DIP2C: variants seen among roughly 807,000 people sequenced by gnomAD.
DIP2C encodes the protein DIP2 acetate--CoA ligase C (putative), also known as disco-interacting protein 2 homolog C.
DIP2C carries 33 observed loss-of-function variants against 192.4 expected under a neutral mutation model. That is an observed-to-expected ratio of 0.17 (90% CI 0.13 to 0.23). The LOEUF is 0.23. Among genes scored for constraint, DIP2C ranks in the 10% least tolerant of loss-of-function variants. The probability of loss-of-function intolerance (pLI) is 1.00; values close to 1 mark genes in which losing one functional copy is unlikely to be tolerated. For synonymous variants in DIP2C, 979 were observed against 864.1 expected (o/e 1.13, Z -2.33); for missense variants, 1,537 against 2,110.1 (o/e 0.73, Z 5.32).
intron 32 of DIP2C, among the ~76,000 whole-genome samples, chr10:304,589 ATG>A (rs1425947268): frequency 6.6e-6 from 1 of 152,052 alleles, no homozygotes; most frequent in East Asian, 1.9e-4. Flanking sequence ...ACATATATGC[ATG>A]TGTGTATACT....
intron 1 of DIP2C, among the ~76,000 whole-genome samples, chr10:540,195 A>T (rs1847901401): frequency 6.6e-6 from 1 of 152,254 alleles, no homozygotes; most frequent in African/African-American, 2.4e-5. Flanking sequence ...AAAGTCAACA[A>T]TGTTCAAATT....
At chr10:536,979 T>C (rs890561515) in intron 1 of DIP2C, among the ~76,000 whole-genome samples, 1 of 152,192 alleles carries the variant, frequency 6.6e-6, no homozygotes, top group African/African-American at 2.4e-5. Flanking sequence ...TCATAGAAGA[T>C]GAACAAAAGA....
At chr10:395,803 C>T (rs1963941671) in intron 10 of DIP2C, among the ~76,000 whole-genome samples, 1 of 152,228 alleles carries the variant, frequency 6.6e-6, no homozygotes, top group South Asian at 2.1e-4. Context: ...GGGGATCTTT[C>T]CTGTCCCCGT....
chr10:573,102 C>T (rs1358219202), intron 1 of DIP2C, among the ~76,000 whole-genome samples: 2 of 152,118 alleles, frequency 1.3e-5, no homozygotes, highest in East Asian at 1.9e-4. Flanking sequence ...TACATTTTAG[C>T]ATGTAAGTGA....
chr10:487,105 T>A (rs938934036), intron 1 of DIP2C, among the ~76,000 whole-genome samples: 1 of 152,176 alleles, frequency 6.6e-6, no homozygotes, highest in Non-Finnish European at 1.5e-5. Context: ...AGAATCCACA[T>A]GTTAAAGCTC....
At chr10:598,751 G>C (rs1215194156) in intron 1 of DIP2C, among the ~76,000 whole-genome samples, 2 of 152,246 alleles carry the variant, frequency 1.3e-5, no homozygotes, top group Non-Finnish European at 2.9e-5. Context: ...AACCAAGCAA[G>C]AATCTTTGGC....
Position 325,093 on chromosome 10 carries a change from A to G in DIP2C, c.3924+1913T>C, listed in dbSNP as rs190326292. ...ATGCTGGCTAACACGGTGAAACCCC[A>G]TCTCTACTAAAAATACAAAAAATTA... On this transcript the variant is annotated intron_variant, in intron 31 of 36. Transcript: ENST00000280886. The G allele has an allele frequency of 2.3e-3, 875 of 382,920 alleles. 9 individuals are homozygous for G. Among genetic ancestry groups the G allele is most frequent in the East Asian group, 0.013 (183 of 13,678 alleles). The allele number at this position is 382,920 out of a possible 1,614,324, so 23.7% of individuals were successfully genotyped here. A position where few individuals can be genotyped will look rare whatever the true frequency, so the allele number is the denominator to read the frequency against.
chr10:535,075 C>G (rs753733434), intron 1 of DIP2C, among the ~76,000 whole-genome samples: 2 of 152,162 alleles, frequency 1.3e-5, no homozygotes, highest in African/African-American at 4.8e-5. Context: ...TGACCCCTCT[C>G]TCCCTGCAGG....
chr10:668,464 A>G (rs11253311), intron 1 of DIP2C: 11,626 of 152,306 alleles, frequency 0.076, 631 homozygotes, highest in Non-Finnish European at 0.12. Context: ...ACATACACAT[A>G]CAACACTCAT....
At chr10:314,969 C>T (rs1178403299) in intron 31 of DIP2C, among the ~76,000 whole-genome samples, 1 of 152,306 alleles carries the variant, frequency 6.6e-6, no homozygotes, top group East Asian at 1.9e-4. Context: ...CTTATTGGTG[C>T]GATTGCTGTT....
In DIP2C at chr10:423,001, C is replaced by T; in HGVS notation, c.427G>A (p.Val143Met). The T allele has an allele frequency of 6.2e-7, 1 of 1,613,304 alleles. No individual in the cohort carries two copies. The highest frequency in any genetic ancestry group is 8.5e-7 in the Non-Finnish European group (1 of 1,179,490). The change falls in exon 5 of 37, where the codon GTG (valine) becomes ATG (methionine). Residue 143 changes from valine (V) to methionine (M), a missense_variant. Coordinates refer to ENST00000280886, the MANE Select transcript of DIP2C (RefSeq NM_014974.3). ...TSSGSEDEGSVQGDSQGTPTS... is the reference protein window; with the variant it reads ...TSSGSEDEGSMQGDSQGTPTS... ...GGGGTGCCCTGGGAGTCCCCCTGCA[C>T]TGAGCCTTCATCTTCTGAGCCAGAA...
intron 1 of DIP2C, among the ~76,000 whole-genome samples, chr10:554,627 G>A (rs1848747562): frequency 6.6e-6 from 1 of 152,222 alleles, no homozygotes; most frequent in Non-Finnish European, 1.5e-5. Context: ...CCTCCCCACT[G>A]CCCTGTTCCC....
At chr10:530,260 T>TG (rs1847286484) in intron 1 of DIP2C, among the ~76,000 whole-genome samples, 1 of 152,250 alleles carries the variant, frequency 6.6e-6, no homozygotes, top group African/African-American at 2.4e-5. Context: ...CCAAGGGTTT[T>TG]GTTCCTTATT....
chr10:467,273 T>C (rs375021004), intron 3 of DIP2C, among the ~76,000 whole-genome samples: 16 of 150,936 alleles, frequency 1.1e-4, no homozygotes, highest in East Asian at 5.9e-4. Context: ...CAGTAAACTA[T>C]CGCAAAAACG....
At chr10:580,767 G>C (rs1850593424) in intron 1 of DIP2C, among the ~76,000 whole-genome samples, 1 of 152,030 alleles carries the variant, frequency 6.6e-6, no homozygotes, top group Non-Finnish European at 1.5e-5. Context: ...GTCATACAAA[G>C]AGGGTTTTAA....
At chr10:395,031 C>T (rs1308767226) in intron 10 of DIP2C, among the ~76,000 whole-genome samples, 2 of 151,090 alleles carry the variant, frequency 1.3e-5, no homozygotes, top group Admixed American at 6.6e-5. Flanking sequence ...CACAGAAAGA[C>T]CAAGGCTACA....
In DIP2C at chr10:421,978, G is replaced by A. The variant is rs117774734; in HGVS notation, c.604+846C>T. Among the ~76,000 whole-genome samples, 20 of 152,294 alleles carry A rather than the reference G, an allele frequency of 1.3e-4. No homozygotes were observed. In the East Asian group the frequency reaches 3.7e-3, roughly 28 times the overall value. On this transcript the variant is annotated intron_variant, in intron 5 of 36. Transcript: ENST00000280886. Reference sequence around the variant, plus strand: ...TCAGTGATCTAGAAGTGAACATTCTGGGGTTCTGGGGTGTCTGTGGGCTAT... The same window carrying A: ...TCAGTGATCTAGAAGTGAACATTCTAGGGTTCTGGGGTGTCTGTGGGCTAT...
chr10:382,615 G>A (rs1962481545), intron 17 of DIP2C, 32 bp downstream of exon 17: 1 of 1,539,962 alleles, frequency 6.5e-7, no homozygotes, highest in South Asian at 1.1e-5. Flanking sequence ...ACTGTCTCTA[G>A]GTTATCTACG....
At chr10:571,548 C>A (rs1173938351) in intron 1 of DIP2C, among the ~76,000 whole-genome samples, 1 of 152,076 alleles carries the variant, frequency 6.6e-6, no homozygotes, top group Non-Finnish European at 1.5e-5. Context: ...CTCCTTTCAG[C>A]CCTCACCTTC....
Sources: allele counts gnomAD v4.1 joint callset (sites outside exome capture counted in the v4.1 genomes callset), GRCh38; gene constraint gnomAD v4.1.1; transcripts MANE v1.5; gene names NCBI Gene and HGNC (gene_info 2026-07-23, HGNC 2026-07-21).